The following CSNK1G1 variants were observed in gnomAD, a reference collection of about 807,000 sequenced individuals.
The protein encoded by CSNK1G1 is casein kinase I isoform gamma-1.
A neutral mutation model predicts 59.6 loss-of-function variants in CSNK1G1; 22 were observed. The ratio of observed to expected loss-of-function variants is 0.37; its 90% CI spans 0.26 to 0.53. The LOEUF (loss-of-function observed/expected upper bound fraction) is 0.53. Ranked by LOEUF, CSNK1G1 falls within the 20% of genes least tolerant of loss-of-function variation. The pLI, the probability that CSNK1G1 is intolerant of heterozygous loss-of-function variation, is 0.89. For missense variants in CSNK1G1, 384 were observed against 519.5 expected (o/e 0.74, Z 2.54); for synonymous variants, 179 against 177.1 (o/e 1.01, Z -0.08).
At chr15:64,336,418 C>G (rs988692256) in intron 1 of CSNK1G1, among the ~76,000 whole-genome samples, 19 of 152,258 alleles carry the variant, frequency 1.2e-4, no homozygotes, top group Middle Eastern at 3.4e-3. Flanking sequence ...GCTACCTGCA[C>G]TCAATACTTA....
At chr15:64,225,001 C>G (rs1484631324) in intron 4 of CSNK1G1, among the ~76,000 whole-genome samples, 2 of 139,094 alleles carry the variant, frequency 1.4e-5, no homozygotes, top group African/African-American at 5.8e-5. Flanking sequence ...CCAAAATACA[C>G]TTTTCTTTTT....
intron 1 of CSNK1G1, among the ~76,000 whole-genome samples, chr15:64,338,539 A>C (rs1251425055): frequency 6.6e-6 from 1 of 151,572 alleles, no homozygotes; most frequent in Non-Finnish European, 1.5e-5. Context: ...CATCTCTACT[A>C]AAAATACAAA....
chr15:64,256,603 A>G (rs1352078657), intron 3 of CSNK1G1, among the ~76,000 whole-genome samples: 1 of 152,132 alleles, frequency 6.6e-6, no homozygotes, highest in African/African-American at 2.4e-5. Context: ...GAAGGCAGCA[A>G]TATTAGCAGC....
intron 6 of CSNK1G1, among the ~76,000 whole-genome samples, chr15:64,212,740 T>C (rs1363499207): frequency 1.3e-5 from 2 of 152,050 alleles, no homozygotes; most frequent in Admixed American, 6.6e-5. Context: ...GCACGGTGGC[T>C]CACACCTGTA....
At chr15:64,317,249 C>T (rs1213872528) in intron 1 of CSNK1G1, among the ~76,000 whole-genome samples, 2 of 152,080 alleles carry the variant, frequency 1.3e-5, no homozygotes, top group African/African-American at 4.8e-5. Flanking sequence ...CCACTACGCC[C>T]GGCTAATTTT....
chr15:64,279,985 A>G (rs907666546), intron 2 of CSNK1G1, among the ~76,000 whole-genome samples: 1 of 151,604 alleles, frequency 6.6e-6, no homozygotes, highest in Non-Finnish European at 1.5e-5. Context: ...AAAAAAAAAA[A>G]CAAAACAGAA....
chr15:64,197,992 G>A (rs1360751261), intron 10 of CSNK1G1, among the ~76,000 whole-genome samples: 1 of 151,858 alleles, frequency 6.6e-6, no homozygotes, highest in Non-Finnish European at 1.5e-5. Context: ...CTAAAAGCAT[G>A]TCAAATGCAG....
intron 2 of CSNK1G1, among the ~76,000 whole-genome samples, chr15:64,293,440 G>A (rs1160257273): frequency 1.3e-5 from 2 of 152,142 alleles, no homozygotes; most frequent in East Asian, 3.8e-4. Context: ...AAAGATTCTT[G>A]ATATTGTTTA....
intron 10 of CSNK1G1, among the ~76,000 whole-genome samples, chr15:64,189,779 G>A (rs950298738): frequency 3.3e-5 from 5 of 149,768 alleles, no homozygotes; most frequent in Admixed American, 6.6e-5. Context: ...GGCATTTCTC[G>A]TAAAAATCAG....
intron 3 of CSNK1G1, among the ~76,000 whole-genome samples, chr15:64,258,401 G>T (rs1299407815): frequency 6.7e-6 from 1 of 150,080 alleles, no homozygotes; most frequent in Non-Finnish European, 1.5e-5. Flanking sequence ...AAAAAATAAA[G>T]AAAGAAAGAA....
chr15:64,309,428 A>T lies in CSNK1G1; in HGVS notation c.-224-8705T>A, dbSNP rs7163289. Among the ~76,000 whole-genome samples the T allele has an allele frequency of 8.4e-3, 1,280 of 152,202 alleles. 19 individuals are homozygous for T. The highest frequency in any genetic ancestry group is 0.029 in the African/African-American group (1,201 of 41,528). The stretch of plus-strand genomic sequence containing the variant: ...GGCTAAAAAAATCCAAACTCCAGAT[A>T]TCATAATTCTTGCCACCATTCTGAG... On this transcript the variant is annotated intron_variant, in intron 1 of 11. Transcript: ENST00000303052.
intron 1 of CSNK1G1, among the ~76,000 whole-genome samples, chr15:64,326,645 A>T (rs1014747852): frequency 6.8e-6 from 1 of 146,984 alleles, no homozygotes; most frequent in Non-Finnish European, 1.5e-5. Context: ...CTCTGTATCA[A>T]AAAAAAAAAA....
At chr15:64,278,375 T>TGC (rs1333168088) in intron 2 of CSNK1G1, among the ~76,000 whole-genome samples, 1 of 132,220 alleles carries the variant, frequency 7.6e-6, no homozygotes, top group Admixed American at 8.0e-5. Flanking sequence ...TGCATGTATG[T>TGC]GCGTGTGTGT....
intron 4 of CSNK1G1, among the ~76,000 whole-genome samples, chr15:64,233,670 A>G (rs959568311): frequency 6.6e-6 from 1 of 152,192 alleles, no homozygotes; most frequent in South Asian, 2.1e-4. Flanking sequence ...CCTGGTCCAG[A>G]AGTCGGGCCT....
At chr15:64,305,785 A>C (rs1235174838) in intron 1 of CSNK1G1, among the ~76,000 whole-genome samples, 2 of 148,824 alleles carry the variant, frequency 1.3e-5, no homozygotes, top group African/African-American at 4.9e-5. Flanking sequence ...AAAAAAAAAA[A>C]CACAAATAAA....
chr15:64,246,700 G>A (rs527772062), intron 4 of CSNK1G1, among the ~76,000 whole-genome samples: 1 of 150,608 alleles, frequency 6.6e-6, no homozygotes. Flanking sequence ...CTTTATAAGA[G>A]AGCCAAATCA....
At chr15:64,175,128 G>T (rs1454421247) in intron 11 of CSNK1G1, among the ~76,000 whole-genome samples, 1 of 151,654 alleles carries the variant, frequency 6.6e-6, no homozygotes, top group African/African-American at 2.4e-5. Context: ...CACAATGTCG[G>T]ATTACACAGA....
intron 1 of CSNK1G1, among the ~76,000 whole-genome samples, chr15:64,317,238 G>A (rs777828967): frequency 1.3e-5 from 2 of 152,044 alleles, no homozygotes; most frequent in African/African-American, 2.4e-5. Flanking sequence ...ACAGGTGTGC[G>A]CCACTACGCC....
At chr15:64,319,750 C>T (rs2140436876) in intron 1 of CSNK1G1, among the ~76,000 whole-genome samples, 1 of 151,946 alleles carries the variant, frequency 6.6e-6, no homozygotes, top group African/African-American at 2.4e-5. Flanking sequence ...GAGGTTTCAC[C>T]GTGTTGCCCA....
Sources: gnomAD v4.1 joint callset for allele counts (sites outside exome capture counted in the v4.1 genomes callset) on GRCh38, gnomAD v4.1.1 for gene constraint, MANE v1.5 for transcripts, NCBI Gene and HGNC (gene_info 2026-07-23, HGNC 2026-07-21) for gene names.